The following SERPINF1 variants were observed in gnomAD, a reference collection of about 807,000 sequenced individuals.
SERPINF1 encodes the protein serpin family F member 1, also known as pigment epithelium-derived factor.
In SERPINF1, 29 loss-of-function variants were observed where a neutral mutation model predicts 37.3. That is an observed-to-expected ratio of 0.78 (90% confidence interval 0.58 to 1.06). SERPINF1 has a LOEUF of 1.06. SERPINF1 is among the 50% of genes least tolerant of loss of function. The pLI is 0.00. For synonymous variants in SERPINF1, 281 were observed against 227.9 expected (o/e 1.23, Z -2.10); for missense variants, 553 against 532.2 (o/e 1.04, Z -0.38).
rs763291398 is a variant in SERPINF1, at chr17:1,776,652, C to T, written c.907C>T (p.Arg303Ter). Residue 303 changes from arginine (R) to a stop codon, truncating the protein, a stop_gained, in exon 7 of 8, where the codon CGA becomes TGA. Transcript: ENST00000254722. LOFTEE classifies it high-confidence loss of function. ...CTCCGAGTTCATTCATGACATAGAC[C>T]GAGAACTGAAGACCGTGCAGGCGGT... is the stretch of plus-strand genomic sequence containing the variant. ...LTSEFIHDID[R>*]ELKTVQAVLT... 7.4e-6 allele frequency: 12 copies of T among 1,613,780 alleles called. No homozygotes were observed. The highest frequency in any genetic ancestry group is 1.7e-5 in the Admixed American group (1 of 59,950).
chr17:1,768,154 G>C (rs941249377), intron 2 of SERPINF1, among the ~76,000 whole-genome samples: 1 of 149,760 alleles, frequency 6.7e-6, no homozygotes, highest in Admixed American at 6.7e-5. Flanking sequence ...GTGAGGGGCC[G>C]GGCGCGGTGG....
intron 1 of SERPINF1, chr17:1,766,577 TA>T (rs954641462): frequency 6.5e-6 from 1 of 153,084 alleles, no homozygotes; most frequent in Non-Finnish European, 1.4e-5. Flanking sequence ...TATAAATAAA[TA>T]AATAAATAAA....
At chr17:1,770,354 C>T (rs951986493) in intron 3 of SERPINF1, among the ~76,000 whole-genome samples, 1 of 152,138 alleles carries the variant, frequency 6.6e-6, no homozygotes, top group Admixed American at 6.6e-5. Flanking sequence ...AGCCTAGGTT[C>T]CTGGGATGTA....
At chr17:1,770,714 C>G (rs914563220) in intron 3 of SERPINF1, 24 of 358,420 alleles carry the variant, frequency 6.7e-5, no homozygotes, top group Non-Finnish European at 1.1e-4. Flanking sequence ...CCCGCCTTGG[C>G]CTCCCAAAGT....
chr17:1,766,605 T>C (rs1907390023), intron 1 of SERPINF1: 1 of 215,150 alleles, frequency 4.6e-6, no homozygotes, highest in South Asian at 2.0e-4. Flanking sequence ...AATAAAAGCT[T>C]TAGGCTTAAA....
chr17:1,766,732 G>A, intron 1 of SERPINF1, 171 bp from the exon 2 acceptor site: 1 of 621,882 alleles, frequency 1.6e-6, no homozygotes, highest in Non-Finnish European at 2.9e-6. Context: ...CCATCAAGCT[G>A]AGGGTCCACT....
At chr17:1,775,539 G>A (rs531481026) in intron 6 of SERPINF1, among the ~76,000 whole-genome samples, 102 of 148,352 alleles carry the variant, frequency 6.9e-4, no homozygotes, top group African/African-American at 2.3e-3. Context: ...ACTCCAAATC[G>A]TTGGCATCTT....
In SERPINF1 at chr17:1,777,343, C is replaced by T. The variant is rs748867884; in HGVS notation, c.1154C>T (p.Pro385Leu). The T allele has an allele frequency of 6.4e-5, 103 of 1,614,018 alleles. No individual in the cohort carries two copies. The highest frequency in any genetic ancestry group is 6.3e-4 in the Admixed American group (38 of 60,000). ...PGLQPAHLTF[P>L]LDYHLNQPFI... ...CTGCAGCCTGCCCACCTCACCTTCC[C>T]GCTGGACTATCACCTTAACCAGCCT... The change falls in exon 8 of 8, where the codon CCG becomes CTG. Residue 385 changes from proline to leucine, a missense_variant. By Grantham distance (98) the Pro-to-Leu change is moderately conservative (BLOSUM62 -3). Transcript: ENST00000254722.
At chr17:1,775,629 GC>G (rs1471135528) in intron 6 of SERPINF1, among the ~76,000 whole-genome samples, 1 of 148,808 alleles carries the variant, frequency 6.7e-6, no homozygotes, top group African/African-American at 2.5e-5. Context: ...CACAACCTCC[GC>G]CCCGCTGGGT....
At chr17:1,774,926 G>A (rs766319876) in intron 5 of SERPINF1, 132 bp from the exon 6 acceptor site, 23 of 1,063,648 alleles carry the variant, frequency 2.2e-5, no homozygotes, top group Non-Finnish European at 3.3e-5. Context: ...TATTCCCTGA[G>A]GCCTCAGAGC....
chr17:1,769,408 C>CAAAAA (rs36107647), intron 2 of SERPINF1, among the ~76,000 whole-genome samples: 1 of 120,606 alleles, frequency 8.3e-6, no homozygotes, highest in African/African-American at 2.8e-5. Context: ...GACTCCGTCT[C>CAAAAA]AAAAAAAAAA....
At chr17:1,769,809 C>T (rs752535044) in intron 2 of SERPINF1, 43 bp from the exon 3 acceptor site, 61 of 1,603,272 alleles carry the variant, frequency 3.8e-5, no homozygotes, top group Non-Finnish European at 4.5e-5. Flanking sequence ...TGCATCTCTG[C>T]GAGTCCCTGA....
chr17:1,767,432 G>A (rs1199908712), intron 2 of SERPINF1, among the ~76,000 whole-genome samples: 3 of 152,242 alleles, frequency 2.0e-5, no homozygotes. Context: ...GTGAGCCACC[G>A]CACCTGGCCA....
At position 1,772,022 on chromosome 17, in the gene SERPINF1, A is replaced by G. The variant is rs1425501081; in HGVS notation, c.590A>G (p.Lys197Arg). The G allele has an allele frequency of 6.2e-7, 1 of 1,613,916 alleles. No homozygotes were observed. The highest frequency in any genetic ancestry group is 8.5e-7 in the Non-Finnish European group (1 of 1,179,994). The change falls in exon 5 of 8, where the codon AAG (lysine) becomes AGG (arginine). Residue 197 changes from lysine (K) to arginine (R), a missense_variant. Physicochemically the swap from Lys to Arg is conservative, Grantham distance 26. Transcript: ENST00000254722. ...AAAGGGAAGCTCGCCAGGTCCACAA[A>G]GGAAATTCCCGATGAGATCAGCATT... ...QMKGKLARST[K>R]EIPDEISILL... is the part of the protein sequence containing the mutation.
Position 1,766,961 on chromosome 17 carries a change from C to A in SERPINF1, c.51C>A (p.Ser17Arg). 6.4e-7 allele frequency: 1 copy of A among 1,562,488 alleles called. No homozygotes were observed. Among genetic ancestry groups the A allele is most frequent in the Non-Finnish European group, 8.7e-7 (1 of 1,153,100 alleles). Residue 17 changes from serine to arginine, a missense_variant, in exon 2 of 8, where the codon AGC (serine) becomes AGA (arginine). By Grantham distance (110) the Ser-to-Arg change is moderately radical. Coordinates refer to ENST00000254722, the MANE Select transcript of SERPINF1 (RefSeq NM_002615.7). Reference protein sequence around the residue: ...LLCIGALLGHSSCQNPASPPE... With the variant: ...LLCIGALLGHRSCQNPASPPE... ...GCATTGGAGCCCTCCTCGGGCACAGCAGCTGCCAGAACCCTGCCAGCCCCC... is the reference window on the plus strand; with the variant it reads ...GCATTGGAGCCCTCCTCGGGCACAGAAGCTGCCAGAACCCTGCCAGCCCCC...
At chr17:1,770,099 T>G in intron 3 of SERPINF1, 49 bp downstream of exon 3, 1 of 1,586,994 alleles carries the variant, frequency 6.3e-7, no homozygotes, top group Non-Finnish European at 8.6e-7. Flanking sequence ...AGAGGCCCCC[T>G]GTGGCCTCTG....
chr17:1,776,677 T>G lies in SERPINF1; in HGVS notation c.932T>G (p.Val311Gly). ...CGAGAACTGAAGACCGTGCAGGCGG[T>G]CCTCACTGTCCCCAAGCTGAAGCTG... ...IDRELKTVQAVLTVPKLKLSY... is the reference protein window; with the variant it reads ...IDRELKTVQAGLTVPKLKLSY... Residue 311 changes from valine to glycine, a missense_variant, in exon 7 of 8, where the codon GTC (valine) becomes GGC (glycine). Physicochemically the swap from Val to Gly is moderately radical, Grantham distance 109. Coordinates refer to ENST00000254722, the MANE Select transcript of SERPINF1 (RefSeq NM_002615.7). 5.0e-6 allele frequency: 8 copies of G among 1,613,322 alleles called. No homozygotes were observed. The highest frequency in any genetic ancestry group is 6.8e-6 in the Non-Finnish European group (8 of 1,179,678).
At chr17:1,767,739 C>G (rs12325945) in intron 2 of SERPINF1, among the ~76,000 whole-genome samples, 11,754 of 152,206 alleles carry the variant, frequency 0.077, 808 homozygotes, top group African/African-American at 0.18. Context: ...AGTATGAATT[C>G]TGCGTCTCCC....
rs1013262444 is a variant in SERPINF1, at chr17:1,774,968, A to G, written c.644-90A>G. The G allele has an allele frequency of 3.2e-6, 5 of 1,575,148 alleles. No homozygotes were observed. In the Admixed American group the frequency reaches 8.3e-5, roughly 26 times the overall value. ...CAGCTAAGCTCCCTTGAGTGGGGCAATTTTCAACAACGTGCTCTGGGGACA... is the reference window on the plus strand; with the variant it reads ...CAGCTAAGCTCCCTTGAGTGGGGCAGTTTTCAACAACGTGCTCTGGGGACA... On this transcript the variant is annotated intron_variant, in intron 5 of 7. Coordinates refer to ENST00000254722, the MANE Select transcript of SERPINF1 (RefSeq NM_002615.7).
Sources: gnomAD v4.1 joint callset for allele counts (sites outside exome capture counted in the v4.1 genomes callset) on GRCh38, gnomAD v4.1.1 for gene constraint, MANE v1.5 for transcripts, NCBI Gene and HGNC (gene_info 2026-07-23, HGNC 2026-07-21) for gene names.